Variants in MIB2 observed in about 807,000 individuals in gnomAD.
MIB2 encodes the protein MIB E3 ubiquitin protein ligase 2.
In MIB2, 78 loss-of-function variants were observed where a neutral mutation model predicts 96.6. The ratio of observed to expected loss-of-function variants is 0.81; its 90% CI spans 0.67 to 0.97. The LOEUF (loss-of-function observed/expected upper bound fraction) is 0.97. MIB2 is among the 50% of genes least tolerant of loss of function. MIB2 has a pLI of 0.00. For synonymous variants in MIB2, 820 were observed against 629.5 expected, an observed-to-expected ratio of 1.30 and a Z score of -4.53; for missense variants, 1,543 against 1,424.0, an observed-to-expected ratio of 1.08 and a Z score of -1.35.
intron 2 of MIB2, chr1:1,617,711 CTGAGG>C (rs1643883005): frequency 6.6e-6 from 1 of 152,138 alleles, no homozygotes; most frequent in Non-Finnish European, 1.5e-5. Flanking sequence ...GGTGTGTGCT[CTGAGG>C]TAAGTTCCGA....
Position 1,630,311 on chromosome 1 carries a change from C to T in MIB2, c.2649C>T (p.Ser883=), listed in dbSNP as rs1437319754. The T allele has an allele frequency of 2.0e-6, 3 of 1,519,782 alleles. No individual in the cohort carries two copies. Among genetic ancestry groups the T allele is most frequent in the Middle Eastern group, 2.1e-4 (1 of 4,700 alleles). The allele number at this position is 1,519,782 out of a possible 1,614,324, so 94.1% of individuals were successfully genotyped here. A position where few individuals can be genotyped will look rare whatever the true frequency, so the allele number is the denominator to read the frequency against. The part of the protein sequence containing the change: ...KLRPDGSEVA[S]AAPAPGPPRQ... The stretch of plus-strand genomic sequence containing the variant: ...CCGCAGACGGCTCTGAGGTGGCGAG[C>T]GCCGCCCCCGCCCCCGGCCCGCCGC... Residue 883 remains serine, a synonymous_variant, in exon 20 of 20, where the codon AGC becomes AGT. Transcript: ENST00000355826.
chr1:1,628,852 A>G, intron 16 of MIB2, 130 bp downstream of exon 16: 1 of 849,250 alleles, frequency 1.2e-6, no homozygotes, highest in South Asian at 1.8e-5. Flanking sequence ...CTGGGGGTGG[A>G]GCAGATGGGA....
intron 16 of MIB2, 107 bp from the exon 17 acceptor site, chr1:1,629,026 T>C (rs1201324533): frequency 4.1e-6 from 5 of 1,217,044 alleles, no homozygotes; most frequent in Non-Finnish European, 5.4e-6. Flanking sequence ...CCTTGCCTTG[T>C]ATTTTAGACA....
chr1:1,614,891 TG>T (rs1213629654), upstream of MIB2: 2 of 152,924 alleles, frequency 1.3e-5, no homozygotes, highest in Admixed American at 6.6e-5. Flanking sequence ...AGCGCATGCC[TG>T]TAGTCCCAGC....
chr1:1,629,807 C>T, intron 19 of MIB2, 103 bp downstream of exon 19: 1 of 1,230,914 alleles, frequency 8.1e-7, no homozygotes, highest in Non-Finnish European at 1.1e-6. Context: ...CATGGCCCTT[C>T]CCCAGGTTAC....
Position 1,625,248 on chromosome 1 carries a change from G to T in MIB2, c.722-38G>T, listed in dbSNP as rs1644631902. On this transcript the variant is annotated intron_variant, in intron 6 of 19. Coordinates refer to ENST00000355826, the MANE Select transcript of MIB2 (RefSeq NM_001170687.4). The surrounding 1 kb of genome is among the most constrained non-coding windows in gnomAD (Gnocchi z 5.0). ...CCTTGGCTGAAGTCCCAGAGGGGAG[G>T]GGCCGCTGCCTGAGGCCTGGTCTGC... 6.3e-7 allele frequency: 1 copy of T among 1,599,436 alleles called. No individual in the cohort carries two copies. The highest frequency in any genetic ancestry group is 1.3e-5 in the African/African-American group (1 of 74,720).
At chr1:1,624,706 T>A (rs774154260) in intron 4 of MIB2, 89 bp from the exon 5 acceptor site, 23 of 1,246,354 alleles carry the variant, frequency 1.8e-5, no homozygotes, top group Non-Finnish European at 2.4e-5. Flanking sequence ...ACAGGGGGCC[T>A]GCTCCACTGC....
In MIB2 at chr1:1,623,762, C is replaced by T. The variant is rs1242993662; in HGVS notation, c.248-12C>T. 6.3e-7 allele frequency: 1 copy of T among 1,582,000 alleles called. No individual in the cohort carries two copies. On this transcript the variant is annotated splice_polypyrimidine_tract_variant and intron_variant, in intron 3 of 19. Coordinates refer to ENST00000355826, the MANE Select transcript of MIB2 (RefSeq NM_001170687.4). ...GGGCGGGAACGCCCCTCTGACCCCACCCCACCCCCAGGCGTCCGGCACCCC... is the reference window on the plus strand; with the variant it reads ...GGGCGGGAACGCCCCTCTGACCCCATCCCACCCCCAGGCGTCCGGCACCCC...
In MIB2 at chr1:1,627,810, G is replaced by A; in HGVS notation, c.1661G>A (p.Gly554Asp). ...GTGGTGCGGGCCCTGTGTGAGCGCG[G>A]CTGTGACGTCAACCTGCCCGTGAGT... ...LEVVRALCER[G>D]CDVNLPDAHS... is the part of the protein sequence containing the mutation. The change falls in exon 13 of 20, where the codon GGC becomes GAC. Residue 554 changes from glycine to aspartate, a missense_variant. Gly to Asp is a moderately conservative substitution (Grantham distance 94). Coordinates refer to ENST00000355826, the MANE Select transcript of MIB2 (RefSeq NM_001170687.4). 1 of 1,599,348 alleles carries A rather than the reference G, an allele frequency of 6.3e-7. No homozygotes were observed. The highest frequency in any genetic ancestry group is 8.5e-7 in the Non-Finnish European group (1 of 1,179,516).
chr1:1,627,256 G>A (rs1054981569), intron 11 of MIB2, 40 bp from the exon 12 acceptor site: 1 of 1,612,922 alleles, frequency 6.2e-7, no homozygotes, highest in Non-Finnish European at 8.5e-7. Flanking sequence ...GAGAGTGAGG[G>A]GCAGAGGGCC....
At position 1,625,382 on chromosome 1, in the gene MIB2, G is replaced by A. The variant is rs778914445; in HGVS notation, c.818G>A (p.Arg273Gln). 76 of 1,588,416 alleles carry A rather than the reference G, an allele frequency of 4.8e-5. No homozygotes were observed. The highest frequency in any genetic ancestry group is 1.9e-4 in the African/African-American group (14 of 74,500). Residue 273 changes from arginine to glutamine, a missense_variant, in exon 7 of 20, where the codon CGG becomes CAG. Physicochemically the swap from Arg to Gln is conservative, Grantham distance 43. Coordinates refer to ENST00000355826, the MANE Select transcript of MIB2 (RefSeq NM_001170687.4). This position sits in a 1 kb window ranked among gnomAD's most constrained non-coding sequence, Gnocchi z 5.0. ...TGTCTGCTGGACACTGATGTCCTGC[G>A]GGAGATGCAGGAAGGCCACGGCGGC... is the stretch of plus-strand genomic sequence containing the variant. ...VKCLLDTDVL[R>Q]EMQEGHGGWN...
rs1024975383 is a variant in MIB2 at position 1,626,321 on chromosome 1, G to A, written c.973-329G>A. The A allele has an allele frequency of 7.7e-6, 3 of 391,198 alleles. No homozygotes were observed. The highest frequency in any genetic ancestry group is 6.2e-5 in the African/African-American group (3 of 48,522). The allele number at this position is 391,198 out of a possible 1,614,324, so 24.2% of individuals were successfully genotyped here. On this transcript the variant is annotated intron_variant, in intron 8 of 19. Coordinates refer to ENST00000355826, the MANE Select transcript of MIB2 (RefSeq NM_001170687.4). This position sits in a 1 kb window ranked among gnomAD's most constrained non-coding sequence, Gnocchi z 5.3. ...GGTCCTGGGGCCCCACCCCCACGCT[G>A]GCTCACGGGCCCTGGCCATGTTGCC...
rs1243587514 is a variant in MIB2, at chr1:1,627,767, C to A, written c.1618C>A (p.Gln540Lys). 6.3e-7 allele frequency: 1 copy of A among 1,598,012 alleles called. No homozygotes were observed. The highest frequency in any genetic ancestry group is 1.7e-5 in the Admixed American group (1 of 59,842). ...TQSTALHVAV[Q>K]RGFLEVVRAL... ...GAGCACAGCACTGCACGTGGCCGTG[C>A]AGAGGGGCTTCCTGGAGGTGGTGCG... Residue 540 changes from glutamine to lysine, a missense_variant, in exon 13 of 20, where the codon CAG becomes AAG. Physicochemically the swap from Gln to Lys is moderately conservative, Grantham distance 53 (BLOSUM62 1). Coordinates refer to ENST00000355826, the MANE Select transcript of MIB2 (RefSeq NM_001170687.4).
chr1:1,627,480 G>C, intron 12 of MIB2, 36 bp downstream of exon 12: 2 of 1,566,258 alleles, frequency 1.3e-6, no homozygotes, highest in Non-Finnish European at 1.7e-6. Context: ...GCGGGGCTGA[G>C]CCTGTGCGTC....
At chr1:1,627,858 C>A in intron 13 of MIB2, 29 bp downstream of exon 13, 1 of 1,589,972 alleles carries the variant, frequency 6.3e-7, no homozygotes, top group Non-Finnish European at 8.5e-7. Flanking sequence ...CCTGGGTGCC[C>A]CCTGCCCGTG....
rs1020555126 is a variant in MIB2 at position 1,630,479 on chromosome 1, C to T, written c.2817C>T (p.Ala939=). The part of the protein sequence containing the change: ...ACAPCGSALS[A]CPICRQPIRD... The stretch of plus-strand genomic sequence containing the variant: ...CCCCCTGCGGCTCCGCGCTCAGCGC[C>T]TGCCCCATCTGCCGCCAGCCCATCC... Residue 939 remains alanine (A), a synonymous_variant, in exon 20 of 20, where the codon GCC becomes GCT. Coordinates refer to ENST00000355826, the MANE Select transcript of MIB2 (RefSeq NM_001170687.4). 5.6e-6 allele frequency: 9 copies of T among 1,593,354 alleles called. No homozygotes were observed. The highest frequency in any genetic ancestry group is 2.2e-5 in the South Asian group (2 of 89,608).
At chr1:1,620,325 C>G (rs1292229835) in intron 2 of MIB2, among the ~76,000 whole-genome samples, 1 of 152,142 alleles carries the variant, frequency 6.6e-6, no homozygotes, top group African/African-American at 2.4e-5. Flanking sequence ...GTCCCAAGTC[C>G]TTCATCTCCA....
chr1:1,629,388 G>T lies in MIB2; in HGVS notation c.2385G>T (p.Glu795Asp). 6.9e-7 allele frequency: 1 copy of T among 1,443,416 alleles called. No homozygotes were observed. 89.4% of individuals were successfully genotyped at this position (1,443,416 alleles called of 1,614,324 possible). ...AAGCCGCCTCCTCCCCCTGCAGGGAGCGGCAGGCGGGCGGGGGCGCGGCCC... is the reference window on the plus strand; with the variant it reads ...AAGCCGCCTCCTCCCCCTGCAGGGATCGGCAGGCGGGCGGGGGCGCGGCCC... ...ALQGCAQRFR[E>D]RQAGGGAAPG... Residue 795 changes from glutamate to aspartate, a missense_variant, in exon 18 of 20, where the codon GAG (glutamate) becomes GAT (aspartate). Glu to Asp is a conservative substitution (Grantham distance 45). Coordinates refer to ENST00000355826, the MANE Select transcript of MIB2 (RefSeq NM_001170687.4).
Position 1,615,611 on chromosome 1 carries a change from G to A in MIB2, c.-152G>A, listed in dbSNP as rs1643531766. 4.5e-6 allele frequency: 7 copies of A among 1,570,382 alleles called. No individual in the cohort carries two copies. The highest frequency in any genetic ancestry group is 6.0e-6 in the Non-Finnish European group (7 of 1,162,474). ...GTCGCTCCTAGGTCACTGGCGCGAT[G>A]CGGGCCGTCCTCTCGGCTGATGGTG... On this transcript the variant is annotated 5_prime_UTR_variant, in exon 1 of 20. An upstream start codon of the reference 5' UTR is lost. Coordinates refer to ENST00000355826, the MANE Select transcript of MIB2 (RefSeq NM_001170687.4).
Sources: gnomAD v4.1 joint callset for allele counts (sites outside exome capture counted in the v4.1 genomes callset) on GRCh38, gnomAD v4.1.1 for gene constraint, Gnocchi (gnomAD v3.1) non-coding constraint, MANE v1.5 for transcripts, NCBI Gene and HGNC (gene_info 2026-07-23, HGNC 2026-07-21) for gene names.